The following TRANK1 variants were observed in gnomAD, a reference collection of about 807,000 sequenced individuals.
TRANK1 encodes tetratricopeptide repeat and ankyrin repeat containing 1, also known as TPR and ankyrin repeat-containing protein 1.
In TRANK1, 198 loss-of-function variants were observed where a neutral mutation model predicts 266.0. That is an observed-to-expected ratio of 0.74 (90% confidence interval 0.66 to 0.84). The LOEUF (loss-of-function observed/expected upper bound fraction) is 0.84, where lower values mean the gene tolerates loss of function less well. Ranked by LOEUF, TRANK1 falls within the 40% of genes least tolerant of loss-of-function variation. TRANK1 has a pLI of 0.00. For synonymous variants in TRANK1, 1,396 were observed against 1,384.1 expected (o/e 1.01, Z -0.19); for missense variants, 3,326 against 3,634.6 (o/e 0.92, Z 2.18).
chr3:36,916,507 C>A (rs1303870502), intron 1 of TRANK1, among the ~76,000 whole-genome samples: 1 of 152,172 alleles, frequency 6.6e-6, no homozygotes, highest in African/African-American at 2.4e-5. Flanking sequence ...TTGCAGTGAG[C>A]CAAGATCGTG....
chr3:36,938,292 C>T (rs2080451694), intron 1 of TRANK1, among the ~76,000 whole-genome samples: 1 of 152,170 alleles, frequency 6.6e-6, no homozygotes, highest in Non-Finnish European at 1.5e-5. Context: ...GGTCTCGGCT[C>T]ACTGCAACCT....
chr3:36,894,216 C>T (rs1164304789), intron 5 of TRANK1, among the ~76,000 whole-genome samples: 1 of 152,192 alleles, frequency 6.6e-6, no homozygotes, highest in African/African-American at 2.4e-5. Flanking sequence ...GTCTCCCATT[C>T]TCTCATTCTC....
At chr3:36,847,090 T>C in intron 16 of TRANK1, 110 bp downstream of exon 16, 1 of 1,324,314 alleles carries the variant, frequency 7.6e-7, no homozygotes, top group South Asian at 1.7e-5. Flanking sequence ...TCCCCGTTGC[T>C]GAGGAAAACC....
chr3:36,899,152 T>C lies in TRANK1; in HGVS notation c.390A>G (p.Ala130=), dbSNP rs2079838255. Residue 130 remains alanine (A), a synonymous_variant, in exon 4 of 24, where the codon GCA becomes GCG. Transcript: ENST00000645898. ...LRLVQRSQDQ[A]PVADFLVGVF... is the part of the protein sequence containing the mutation. ...CTCCAACAAGGAAATCAGCAACCGG[T>C]GCCTGGTCTTGGCTTCTCTGCACAA... 3.3e-6 allele frequency: 5 copies of C among 1,537,132 alleles called. No individual in the cohort carries two copies. Among genetic ancestry groups the C allele is most frequent in the African/African-American group, 1.4e-5 (1 of 73,038 alleles).
At chr3:36,890,802 A>G (rs1367575769) in intron 7 of TRANK1, among the ~76,000 whole-genome samples, 1 of 152,228 alleles carries the variant, frequency 6.6e-6, no homozygotes, top group East Asian at 1.9e-4. Flanking sequence ...ACCATGTCAG[A>G]GTTCTCTGAG....
intron 9 of TRANK1, among the ~76,000 whole-genome samples, chr3:36,872,764 G>GA (rs1325014167): frequency 6.6e-6 from 1 of 152,104 alleles, no homozygotes; most frequent in African/African-American, 2.4e-5. Flanking sequence ...GTGGCAAAGA[G>GA]AAAAGAGACT....
intron 1 of TRANK1, among the ~76,000 whole-genome samples, chr3:36,915,543 A>T (rs1183946022): frequency 6.6e-6 from 1 of 152,122 alleles, no homozygotes; most frequent in East Asian, 1.9e-4. Flanking sequence ...CCCTAATCCT[A>T]TTATTCATAT....
chr3:36,905,290 C>CA (rs35960884), intron 2 of TRANK1, among the ~76,000 whole-genome samples: 7,288 of 94,730 alleles, frequency 0.077, 238 homozygotes, highest in African/African-American at 0.13. Context: ...GACTCTGTCT[C>CA]AAAAAAAAAA....
intron 1 of TRANK1, among the ~76,000 whole-genome samples, chr3:36,929,043 G>A (rs1190233499): frequency 6.6e-6 from 1 of 152,056 alleles, no homozygotes; most frequent in African/African-American, 2.4e-5. Context: ...CTTCTTCCAG[G>A]TGAGGCTTAA....
chr3:36,858,146 C>G (rs1217899637), intron 12 of TRANK1, 97 bp from the exon 13 acceptor site: 1 of 1,063,836 alleles, frequency 9.4e-7, no homozygotes, highest in Admixed American at 2.9e-5. Context: ...AGGGGCATCT[C>G]AGAATGCTGA....
chr3:36,833,489 C>A lies in TRANK1; in HGVS notation c.6094G>T (p.Ala2032Ser). Residue 2032 changes from alanine (A) to serine (S), a missense_variant, in exon 22 of 24, where the codon GCC (alanine) becomes TCC (serine). By Grantham distance (99) the Ala-to-Ser change is moderately conservative (BLOSUM62 1). Transcript: ENST00000645898. ...AGGATTACCCCTTGCAGGAAGTGGGCCTCCGCAATGCCAGACAACTGGCCA... is the reference window on the plus strand; with the variant it reads ...AGGATTACCCCTTGCAGGAAGTGGGACTCCGCAATGCCAGACAACTGGCCA... ...QTGQLSGIAE[A>S]HFLQGVILRD... 6.2e-7 allele frequency: 1 copy of A among 1,613,960 alleles called. No individual in the cohort carries two copies. The highest frequency in any genetic ancestry group is 8.5e-7 in the Non-Finnish European group (1 of 1,179,848).
At chr3:36,920,738 G>A (rs1450761238) in intron 1 of TRANK1, among the ~76,000 whole-genome samples, 1 of 152,100 alleles carries the variant, frequency 6.6e-6, no homozygotes, top group Non-Finnish European at 1.5e-5. Flanking sequence ...GAAAAGGACA[G>A]GGCCCAAGAA....
At chr3:36,896,433 C>T (rs916640995) in intron 4 of TRANK1, among the ~76,000 whole-genome samples, 9 of 152,194 alleles carry the variant, frequency 5.9e-5, no homozygotes, top group Admixed American at 2.0e-4. Flanking sequence ...TCAAAACAAA[C>T]GCATACTATA....
At chr3:36,865,054 G>A (rs1333423948) in intron 9 of TRANK1, among the ~76,000 whole-genome samples, 2 of 128,376 alleles carry the variant, frequency 1.6e-5, no homozygotes, top group Non-Finnish European at 1.6e-5. Flanking sequence ...TTGAGACGGA[G>A]TCTTACTCTA....
chr3:36,874,317 A>G lies in TRANK1; in HGVS notation c.908-21T>C. ...TTGTCCTAGGGCAGGCCAAAATGAG[A>G]AGGGGTGTTTGTCATGGTTCCTTCC... On this transcript the variant is annotated intron_variant, in intron 8 of 23. Coordinates refer to ENST00000645898, the MANE Select transcript of TRANK1 (RefSeq NM_001329998.2). The G allele has an allele frequency of 2.6e-6, 4 of 1,533,788 alleles. No homozygotes were observed. In the Middle Eastern group the frequency reaches 5.1e-4, roughly 196 times the overall value.
intron 8 of TRANK1, among the ~76,000 whole-genome samples, chr3:36,879,691 TA>T (rs1285542890): frequency 2.9e-5 from 3 of 104,814 alleles, no homozygotes; most frequent in African/African-American, 4.3e-5. Context: ...AATATATAAA[TA>T]TATAAATATA....
rs1259625340 is a variant in TRANK1 at position 36,945,042 on chromosome 3, G to T, written c.-233C>A. 4.4e-6 allele frequency: 2 copies of T among 459,444 alleles called. No individual in the cohort carries two copies. Among genetic ancestry groups the T allele is most frequent in the Non-Finnish European group, 7.6e-6 (2 of 262,120 alleles). The allele number at this position is 459,444 out of a possible 1,614,324, so 28.5% of individuals were successfully genotyped here. ...CCCGGCGTCCGGGCGGTGTGCAGCCGCAGACCTATTCCAAGTTTCCACGTA... is the reference window on the plus strand; with the variant it reads ...CCCGGCGTCCGGGCGGTGTGCAGCCTCAGACCTATTCCAAGTTTCCACGTA... On this transcript the variant is annotated 5_prime_UTR_variant, in exon 1 of 24. Transcript: ENST00000645898.
chr3:36,851,889 A>C (rs1412268061), intron 14 of TRANK1, 33 bp from the exon 15 acceptor site: 1 of 1,561,626 alleles, frequency 6.4e-7, no homozygotes, highest in Non-Finnish European at 8.7e-7. Flanking sequence ...CAAATTCTAC[A>C]GAGAAAACCC....
intron 1 of TRANK1, among the ~76,000 whole-genome samples, chr3:36,932,624 C>A (rs1184445578): frequency 6.6e-6 from 1 of 152,114 alleles, no homozygotes; most frequent in Non-Finnish European, 1.5e-5. Context: ...TCAAAATATG[C>A]AATTAAAGTG....
Sources: gnomAD v4.1 joint callset for allele counts (sites outside exome capture counted in the v4.1 genomes callset) on GRCh38, gnomAD v4.1.1 for gene constraint, MANE v1.5 for transcripts, NCBI Gene and HGNC (gene_info 2026-07-23, HGNC 2026-07-21) for gene names.